PAK5: variants seen among roughly 807,000 people sequenced by gnomAD.
PAK5 encodes p21 (RAC1) activated kinase 5.
Under a neutral mutation model 65.9 loss-of-function variants are expected in PAK5, and 16 were observed. That is an observed-to-expected ratio of 0.24 (90% CI 0.16 to 0.37). The LOEUF is 0.37. Among genes scored for constraint, PAK5 ranks in the 10% least tolerant of loss-of-function variants. The probability of loss-of-function intolerance (pLI) is 1.00; values close to 1 mark genes in which losing one functional copy is unlikely to be tolerated. For missense variants in PAK5, 785 were observed against 903.9 expected (o/e 0.87, Z 1.69); for synonymous variants, 371 against 354.9 (o/e 1.05, Z -0.51).
At chr20:9,616,343 C>A (rs1374477593) in intron 3 of PAK5, among the ~76,000 whole-genome samples, 1 of 152,146 alleles carries the variant, frequency 6.6e-6, no homozygotes, top group Non-Finnish European at 1.5e-5. Context: ...TCAAATTACG[C>A]CAGTAGCGAG....
chr20:9,642,976 C>T (rs759398743), intron 3 of PAK5, among the ~76,000 whole-genome samples: 5 of 152,178 alleles, frequency 3.3e-5, no homozygotes, highest in Non-Finnish European at 7.4e-5. Flanking sequence ...TGTGCATGAA[C>T]AATGGAATCA....
chr20:9,538,343 A>G lies in PAK5; in HGVS notation c.*1119T>C, dbSNP rs558433363. ...AGACTTCCAGCACGATACATGAACA[A>G]TAGCGATTAATACTGTGGTACAAAG... On this transcript the variant is annotated 3_prime_UTR_variant, in exon 10 of 10. Coordinates refer to ENST00000353224, the MANE Select transcript of PAK5 (RefSeq NM_177990.4). 1.7e-5 allele frequency: 4 copies of G among 233,674 alleles called. No homozygotes were observed. The highest frequency in any genetic ancestry group is 3.6e-4 in the South Asian group (2 of 5,530). 14.5% of individuals were successfully genotyped at this position (233,674 alleles called of 1,614,324 possible).
intron 3 of PAK5, among the ~76,000 whole-genome samples, chr20:9,592,929 CAG>C (rs2123069801): frequency 6.6e-6 from 1 of 152,206 alleles, no homozygotes; most frequent in South Asian, 2.1e-4. Context: ...TAAACCCAAT[CAG>C]AGATACAAGC....
Position 9,692,310 on chromosome 20 carries a change from C to T in PAK5, c.-12+18976G>A, listed in dbSNP as rs561913706. 7.2e-5 allele frequency among the ~76,000 whole-genome samples: 11 copies of T among 152,174 alleles called. No individual in the cohort carries two copies. The East Asian group carries it at 1.9e-3, about 27-fold the overall frequency. On this transcript the variant is annotated intron_variant, in intron 2 of 9. Coordinates refer to ENST00000353224, the MANE Select transcript of PAK5 (RefSeq NM_177990.4). ...AAAGATGGCTTTTGTAATTAGCTTTCGAAATTACTTGTTGGCATCACACCT... is the reference window on the plus strand; with the variant it reads ...AAAGATGGCTTTTGTAATTAGCTTTTGAAATTACTTGTTGGCATCACACCT...
chr20:9,596,886 A>C (rs1031993659), intron 3 of PAK5, among the ~76,000 whole-genome samples: 1 of 152,138 alleles, frequency 6.6e-6, no homozygotes, highest in Non-Finnish European at 1.5e-5. Context: ...ATCTCCTTAA[A>C]CAGCAGACTC....
intron 1 of PAK5, among the ~76,000 whole-genome samples, chr20:9,715,908 A>AG (rs2048140007): frequency 2.7e-5 from 2 of 74,738 alleles, no homozygotes; most frequent in African/African-American, 5.3e-5. Flanking sequence ...GGGTTGGGGG[A>AG]GGGGGGAGGG....
chr20:9,581,192 C>A (rs965557727), intron 3 of PAK5, among the ~76,000 whole-genome samples: 3 of 152,160 alleles, frequency 2.0e-5, no homozygotes, highest in African/African-American at 7.2e-5. Flanking sequence ...ATGTAGGAGA[C>A]TACATAGAAT....
chr20:9,656,984 A>G (rs1231418120), intron 2 of PAK5, among the ~76,000 whole-genome samples: 1 of 152,194 alleles, frequency 6.6e-6, no homozygotes, highest in Non-Finnish European at 1.5e-5. Context: ...TAGTTAGGGT[A>G]CCATATCAAG....
chr20:9,575,751 A>G (rs2045874822), intron 4 of PAK5: 1 of 152,126 alleles, frequency 6.6e-6, no homozygotes, highest in Admixed American at 6.5e-5. Flanking sequence ...AGGTGAGGCT[A>G]CCTCTAGGAT....
chr20:9,677,184 G>A (rs1440560780), intron 2 of PAK5, among the ~76,000 whole-genome samples: 1 of 151,990 alleles, frequency 6.6e-6, no homozygotes, highest in Non-Finnish European at 1.5e-5. Flanking sequence ...ACTTCATAAT[G>A]TATTCAGCTT....
intron 1 of PAK5, among the ~76,000 whole-genome samples, chr20:9,828,084 CT>C: frequency 6.6e-6 from 1 of 152,226 alleles, no homozygotes; most frequent in Non-Finnish European, 1.5e-5. Context: ...ATCCACCCAC[CT>C]CGGCCTCCCA....
At position 9,552,003 on chromosome 20, in the gene PAK5, G is replaced by T. The variant is rs150301106; in HGVS notation, c.1743+5605C>A. On this transcript the variant is annotated intron_variant, in intron 7 of 9. Coordinates refer to ENST00000353224, the MANE Select transcript of PAK5 (RefSeq NM_177990.4). The stretch of plus-strand genomic sequence containing the variant: ...AATAGGAAGTTGCAGGAAGATCTGG[G>T]CAGGGCACCAACGGCATTTGCTGTG... 1.9e-3 allele frequency among the ~76,000 whole-genome samples: 291 copies of T among 152,296 alleles called. 1 individual carries two copies. Among genetic ancestry groups the T allele is most frequent in the African/African-American group, 6.8e-3 (282 of 41,566 alleles).
At chr20:9,577,264 T>C (rs2045901290) in intron 4 of PAK5, 1 of 152,026 alleles carries the variant, frequency 6.6e-6, no homozygotes, top group Non-Finnish European at 1.5e-5. Context: ...ATAACATTCT[T>C]GATTCCTGTC....
intron 6 of PAK5, among the ~76,000 whole-genome samples, chr20:9,562,163 C>T (rs2045600947): frequency 6.6e-6 from 1 of 152,140 alleles, no homozygotes; most frequent in Non-Finnish European, 1.5e-5. Flanking sequence ...CTGAGAGAGA[C>T]ATTTAGGTAT....
chr20:9,656,873 C>A (rs1387022027), intron 2 of PAK5, among the ~76,000 whole-genome samples: 1 of 152,148 alleles, frequency 6.6e-6, no homozygotes, highest in African/African-American at 2.4e-5. Flanking sequence ...TCTCTCCATA[C>A]TATCTTCACA....
intron 3 of PAK5, among the ~76,000 whole-genome samples, chr20:9,588,633 G>A (rs994002153): frequency 3.3e-5 from 5 of 152,100 alleles, no homozygotes; most frequent in African/African-American, 9.7e-5. Context: ...TTTCCAACAC[G>A]GTTTAACCAG....
At chr20:9,672,266 T>A (rs1220233008) in intron 2 of PAK5, among the ~76,000 whole-genome samples, 2 of 150,928 alleles carry the variant, frequency 1.3e-5, no homozygotes, top group African/African-American at 4.9e-5. Flanking sequence ...TACATAACAT[T>A]TAATGAATGC....
At chr20:9,656,673 A>G (rs1033324311) in intron 2 of PAK5, among the ~76,000 whole-genome samples, 6 of 152,208 alleles carry the variant, frequency 3.9e-5, no homozygotes, top group African/African-American at 1.4e-4. Context: ...TAATCTCTTT[A>G]TGCCTCAGCT....
intron 6 of PAK5, among the ~76,000 whole-genome samples, chr20:9,562,571 G>T (rs2045607394): frequency 6.6e-6 from 1 of 152,198 alleles, no homozygotes; most frequent in Non-Finnish European, 1.5e-5. Context: ...TAACTCAGGA[G>T]AATGAAATTC....
Sources: gnomAD v4.1 joint callset for allele counts (sites outside exome capture counted in the v4.1 genomes callset) on GRCh38, gnomAD v4.1.1 for gene constraint, MANE v1.5 for transcripts, NCBI Gene and HGNC (gene_info 2026-07-23, HGNC 2026-07-21) for gene names.